ABCB1: variants seen among roughly 807,000 people sequenced by gnomAD.
The protein encoded by ABCB1 is ATP binding cassette subfamily B member 1.
In ABCB1, 69 loss-of-function variants were observed where a neutral mutation model predicts 142.0. The observed-to-expected ratio is 0.49, with a 90% CI of 0.40 to 0.59. The LOEUF (loss-of-function observed/expected upper bound fraction) is 0.59. ABCB1 is among the 20% of genes least tolerant of loss of function. The pLI, the probability that ABCB1 is intolerant of heterozygous loss-of-function variation, is 0.00. For synonymous variants in ABCB1, 532 were observed against 539.2 expected, an observed-to-expected ratio of 0.99 and a Z score of 0.18; for missense variants, 1,326 against 1,554.7, an observed-to-expected ratio of 0.85 and a Z score of 2.47.
intron 1 of ABCB1, among the ~76,000 whole-genome samples, chr7:87,687,089 A>G (rs1585102472): frequency 6.6e-6 from 1 of 152,184 alleles, no homozygotes; most frequent in Non-Finnish European, 1.5e-5. Context: ...TTAATCTGCT[A>G]ATTATACTTA....
In ABCB1 at chr7:87,521,621, G is replaced by A. The variant is rs17131983; in HGVS notation, c.2686-745C>T. 5.0e-3 allele frequency: 3,882 copies of A among 772,444 alleles called. 103 individuals carry two copies. In the African/African-American group the frequency reaches 0.056, roughly 11 times the overall value. The allele number at this position is 772,444 out of a possible 1,614,324, so 47.8% of individuals were successfully genotyped here. Reference sequence around the variant, plus strand: ...GTAATGAGAGATCCAAATACCAAGCGCTCAAGGGACTTTGGGTTTGTCACA... The same window carrying A: ...GTAATGAGAGATCCAAATACCAAGCACTCAAGGGACTTTGGGTTTGTCACA... On this transcript the variant is annotated intron_variant, in intron 21 of 27. Coordinates refer to ENST00000622132, the MANE Select transcript of ABCB1 (RefSeq NM_001348946.2).
chr7:87,697,961 CA>C (rs1828642946), intron 1 of ABCB1, among the ~76,000 whole-genome samples: 1 of 151,970 alleles, frequency 6.6e-6, no homozygotes, highest in African/African-American at 2.4e-5. Context: ...GCCCTAGAGA[CA>C]AACTATATTG....
chr7:87,658,190 A>G (rs1824312972), intron 1 of ABCB1, among the ~76,000 whole-genome samples: 1 of 152,204 alleles, frequency 6.6e-6, no homozygotes, highest in African/African-American at 2.4e-5. Flanking sequence ...AATCCACAGC[A>G]AAGAAATGGA....
In ABCB1 at chr7:87,578,839, G is replaced by A. The variant is rs377226231; in HGVS notation, c.286+6673C>T. 4.0e-5 allele frequency among the ~76,000 whole-genome samples: 6 copies of A among 151,434 alleles called. No individual in the cohort carries two copies. In the East Asian group the frequency reaches 7.8e-4, roughly 20 times the overall value. On this transcript the variant is annotated intron_variant, in intron 4 of 27. Coordinates refer to ENST00000622132, the MANE Select transcript of ABCB1 (RefSeq NM_001348946.2). ...CTCCCAAGTAGCTGGGACTACAGGC[G>A]CCCGCCACCACGCCCGGCTAATTTT...
At chr7:87,561,497 G>A in intron 7 of ABCB1, 110 bp from the exon 8 acceptor site, 1 of 1,106,124 alleles carries the variant, frequency 9.0e-7, no homozygotes, top group Non-Finnish European at 1.3e-6. Flanking sequence ...TGCATGTGTA[G>A]AGCAAAATCT....
At chr7:87,504,634 T>G (rs1178632906) in intron 27 of ABCB1, among the ~76,000 whole-genome samples, 185 bp from the exon 28 acceptor site, 2 of 151,982 alleles carry the variant, frequency 1.3e-5, no homozygotes, top group Non-Finnish European at 2.9e-5. Flanking sequence ...TGAAACCCCA[T>G]CTCTATCAAA....
At chr7:87,572,941 T>C (rs1468714646) in intron 4 of ABCB1, among the ~76,000 whole-genome samples, 1 of 151,746 alleles carries the variant, frequency 6.6e-6, no homozygotes, top group Non-Finnish European at 1.5e-5. Context: ...AAATAACTAG[T>C]GGGTACTAGG....
At chr7:87,558,701 T>C (rs1340463475) in intron 8 of ABCB1, among the ~76,000 whole-genome samples, 1 of 152,092 alleles carries the variant, frequency 6.6e-6, no homozygotes, top group Non-Finnish European at 1.5e-5. Context: ...TTAAAATATT[T>C]TTAATGTTTC....
intron 1 of ABCB1, among the ~76,000 whole-genome samples, chr7:87,696,357 G>T (rs1292886955): frequency 6.6e-6 from 1 of 151,962 alleles, no homozygotes; most frequent in Non-Finnish European, 1.5e-5. Context: ...TTGTAACTTT[G>T]TTTTTAAATT....
chr7:87,541,701 C>T (rs1330987068), intron 17 of ABCB1, among the ~76,000 whole-genome samples: 1 of 152,218 alleles, frequency 6.6e-6, no homozygotes, highest in East Asian at 1.9e-4. Flanking sequence ...CGGATTCCCT[C>T]TTGGAGTCAT....
Position 87,561,400 on chromosome 7 carries a change from A to G in ABCB1, c.703-13T>C. ...ATGAAGATAGTATCTGTTTAAAAAT[A>G]CAATTTTGGATCATGAAAAAAACAC... On this transcript the variant is annotated splice_polypyrimidine_tract_variant and intron_variant, in intron 7 of 27. Coordinates refer to ENST00000622132, the MANE Select transcript of ABCB1 (RefSeq NM_001348946.2). The G allele has an allele frequency of 6.2e-7, 1 of 1,606,726 alleles. No individual in the cohort carries two copies. The highest frequency in any genetic ancestry group is 8.5e-7 in the Non-Finnish European group (1 of 1,175,250).
At chr7:87,711,043 T>C (rs1010858416) in intron 1 of ABCB1, among the ~76,000 whole-genome samples, 5 of 152,066 alleles carry the variant, frequency 3.3e-5, no homozygotes, top group Admixed American at 6.6e-5. Flanking sequence ...AGAATATACA[T>C]TGGCCGGGCA....
At chr7:87,600,611 C>A (rs1372447559) in intron 1 of ABCB1, 144 bp downstream of exon 1, 2 of 255,042 alleles carry the variant, frequency 7.8e-6, no homozygotes, top group Non-Finnish European at 1.5e-5. Flanking sequence ...TCTAACCCCA[C>A]TTGGTCCCCA....
intron 1 of ABCB1, among the ~76,000 whole-genome samples, chr7:87,635,694 AG>A (rs1441705442): frequency 6.6e-6 from 1 of 152,222 alleles, no homozygotes; most frequent in Non-Finnish European, 1.5e-5. Context: ...TTTTTGTGGT[AG>A]GGCACAATGT....
chr7:87,519,068 T>C, intron 23 of ABCB1: 1 of 529,174 alleles, frequency 1.9e-6, no homozygotes, highest in Non-Finnish European at 3.4e-6. Flanking sequence ...AATCTCCGAA[T>C]GGAATCACTC....
At chr7:87,679,383 G>A (rs1397247064) in intron 1 of ABCB1, among the ~76,000 whole-genome samples, 2 of 149,506 alleles carry the variant, frequency 1.3e-5, no homozygotes, top group Non-Finnish European at 3.0e-5. Flanking sequence ...GTGAGCCACC[G>A]TGCCCGGCCC....
intron 1 of ABCB1, among the ~76,000 whole-genome samples, chr7:87,621,290 G>A (rs1368845856): frequency 6.6e-6 from 1 of 152,010 alleles, no homozygotes; most frequent in East Asian, 1.9e-4. Context: ...TTAGATTTTG[G>A]TACCACTAGC....
chr7:87,528,870 C>G (rs1268451032), intron 21 of ABCB1, among the ~76,000 whole-genome samples: 1 of 152,146 alleles, frequency 6.6e-6, no homozygotes, highest in East Asian at 1.9e-4. Flanking sequence ...AAGAGAAGAG[C>G]AGAGGCAATC....
At chr7:87,700,577 G>A (rs377538748) in intron 1 of ABCB1, 12 of 1,586,038 alleles carry the variant, frequency 7.6e-6, no homozygotes, top group Middle Eastern at 1.7e-4. Flanking sequence ...TCAGAGACTC[G>A]TTTCTATTTT....
Sources: gnomAD v4.1 joint callset for allele counts (sites outside exome capture counted in the v4.1 genomes callset) on GRCh38, gnomAD v4.1.1 for gene constraint, MANE v1.5 for transcripts, NCBI Gene and HGNC (gene_info 2026-07-23, HGNC 2026-07-21) for gene names.